Variants in MXRA5 observed in about 807,000 individuals in gnomAD.
MXRA5 encodes the protein matrix-remodeling-associated protein 5.
MXRA5 carries 41 observed loss-of-function variants against 112.5 expected under a neutral mutation model. That is an observed-to-expected ratio of 0.36 (90% CI 0.28 to 0.47). MXRA5 has a LOEUF of 0.47. MXRA5 is among the 20% of genes least tolerant of loss of function. The probability of loss-of-function intolerance (pLI) is 0.99; values close to 1 mark genes in which losing one functional copy is unlikely to be tolerated. For synonymous variants in MXRA5, 862 were observed against 900.8 expected, an observed-to-expected ratio of 0.96 and a Z score of 0.77; for missense variants, 2,150 against 2,251.0, an observed-to-expected ratio of 0.96 and a Z score of 0.91.
chrX:3,310,372 C>T lies in MXRA5; in HGVS notation c.7831G>A (p.Ala2611Thr). 1.7e-6 allele frequency: 2 copies of T among 1,206,619 alleles called. No homozygotes were observed. The highest frequency in any genetic ancestry group is 2.2e-6 in the Non-Finnish European group (2 of 892,415). ...CGGGCCACGCAGCGGTAGGCCCCGG[C>T]GTCCACCGAGGAGAGACCGCTAATG... ...LHISGLSSVDAGAYRCVARNA... is the reference protein window; with the variant it reads ...LHISGLSSVDTGAYRCVARNA... Residue 2611 changes from alanine (A) to threonine (T), a missense_variant, in exon 7 of 7, where the codon GCC becomes ACC. Around this residue, in one of 6 missense-constraint regions of MXRA5, gnomAD observed 178 missense variants for 198.2 expected, o/e 0.90. Coordinates refer to ENST00000217939, the MANE Select transcript of MXRA5 (RefSeq NM_015419.4).
chrX:3,338,945 AATAGATAGATAGTTAGATAGATAGATAG>A (rs757080403), intron 2 of MXRA5, among the ~76,000 whole-genome samples: 84 of 92,150 alleles, frequency 9.1e-4, no homozygotes, highest in African/African-American at 3.6e-3. Flanking sequence ...GACTATAGAT[AATAGATAGATAGTTAGATAGATAGATAG>A]ATAGATAGAT....
Position 3,311,248 on chromosome X carries a change from C to G in MXRA5, c.6955G>C (p.Glu2319Gln). 1 of 1,211,777 alleles carries G rather than the reference C, an allele frequency of 8.3e-7. No individual in the cohort carries two copies. The highest frequency in any genetic ancestry group is 1.1e-6 in the Non-Finnish European group (1 of 895,546). ...LYFNEVGMRE[E>Q]GDYTCFAENQ... ...TCAGCAAAGCAGGTGTAGTCTCCTT[C>G]CTCCCTCATCCCCACTTCGTTAAAG... The change falls in exon 7 of 7, where the codon GAA becomes CAA. Residue 2319 changes from glutamate to glutamine, a missense_variant. Physicochemically the swap from Glu to Gln is conservative, Grantham distance 29 (BLOSUM62 2). This residue lies in a region of MXRA5 where 1,485 missense variants were observed against 1,471.6 expected (regional missense o/e 1.01). Coordinates refer to ENST00000217939, the MANE Select transcript of MXRA5 (RefSeq NM_015419.4).
intron 2 of MXRA5, among the ~76,000 whole-genome samples, chrX:3,334,313 C>T (rs769015165): frequency 1.8e-5 from 2 of 111,957 alleles, no homozygotes; most frequent in South Asian, 3.8e-4. Flanking sequence ...GCACACTTCA[C>T]GTTGCCCGCT....
intron 4 of MXRA5, among the ~76,000 whole-genome samples, chrX:3,328,025 T>G (rs1209188853): frequency 8.9e-6 from 1 of 112,519 alleles, no homozygotes; most frequent in Non-Finnish European, 1.9e-5. Flanking sequence ...CATAATATAG[T>G]GTTGCTGCTA....
In MXRA5 at chrX:3,322,098, A is replaced by C. The variant is rs1921324431; in HGVS notation, c.3587T>G (p.Val1196Gly). 8.3e-7 allele frequency: 1 copy of C among 1,207,283 alleles called. No individual in the cohort carries two copies. The highest frequency in any genetic ancestry group is 1.8e-5 in the African/African-American group (1 of 56,912). ...QAPDIKISSQ[V>G]ESSLVPTAWV... Reference sequence around the variant, plus strand: ...AGCTGTAGGAACCAGAGAACTCTCCACTTGACTTGAAATCTTAATGTCAGG... The same window carrying C: ...AGCTGTAGGAACCAGAGAACTCTCCCCTTGACTTGAAATCTTAATGTCAGG... Residue 1196 changes from valine to glycine, a missense_variant, in exon 5 of 7, where the codon GTG becomes GGG. Around this residue, in one of 6 missense-constraint regions of MXRA5, gnomAD observed 1,485 missense variants for 1,471.6 expected, o/e 1.01. Transcript: ENST00000217939.
intron 1 of MXRA5, among the ~76,000 whole-genome samples, 153 bp from the exon 2 acceptor site, chrX:3,344,014 A>G (rs1479872532): frequency 9.0e-6 from 1 of 111,695 alleles, no homozygotes; most frequent in Non-Finnish European, 1.9e-5. Flanking sequence ...GAATTGAGAA[A>G]GATGAAACAT....
chrX:3,322,151 C>G lies in MXRA5; in HGVS notation c.3534G>C (p.Glu1178Asp), dbSNP rs762814482. 1 of 1,198,225 alleles carries G rather than the reference C, an allele frequency of 8.3e-7. No homozygotes were observed. The highest frequency in any genetic ancestry group is 1.1e-6 in the Non-Finnish European group (1 of 888,316). The change falls in exon 5 of 7, where the codon GAG becomes GAC. Residue 1178 changes from glutamate (E) to aspartate (D), a missense_variant. By Grantham distance (45) the Glu-to-Asp change is conservative. Transcript: ENST00000217939. ...CTTGAGTTGGTTGAGTAGAAAAAGT[C>G]TCTGATGGGGCAAAAGTTGTGGGTG... ...QTPPTTFAPS[E>D]TFSTQPTQAP...
At chrX:3,316,233 GA>G (rs1274103696) in intron 6 of MXRA5, among the ~76,000 whole-genome samples, 1 of 41,873 alleles carries the variant, frequency 2.4e-5, no homozygotes, top group Non-Finnish European at 3.8e-5. Context: ...AGAATGGCGT[GA>G]ACCCGGGAGG....
chrX:3,310,033 T>A lies in MXRA5; in HGVS notation c.8170A>T (p.Ile2724Phe). 1 of 1,211,413 alleles carries A rather than the reference T, an allele frequency of 8.3e-7. No individual in the cohort carries two copies. The highest frequency in any genetic ancestry group is 1.1e-6 in the Non-Finnish European group (1 of 895,447). Reference protein sequence around the residue: ...ETEYGPSVTSIPVIVIAYPPR... With the variant: ...ETEYGPSVTSFPVIVIAYPPR... ...GGATAGGCGATCACAATCACGGGGA[T>A]GCTGGTGACCGAAGGGCCGTACTCC... Residue 2724 changes from isoleucine to phenylalanine, a missense_variant, in exon 7 of 7, where the codon ATC becomes TTC. Physicochemically the swap from Ile to Phe is conservative, Grantham distance 21. This residue lies in a region of MXRA5 where 178 missense variants were observed against 198.2 expected (regional missense o/e 0.90). Coordinates refer to ENST00000217939, the MANE Select transcript of MXRA5 (RefSeq NM_015419.4).
Position 3,309,316 on chromosome X carries a change from T to C in MXRA5, c.*400A>G, listed in dbSNP as rs188958457. 1 of 134,490 alleles carries C rather than the reference T, an allele frequency of 7.4e-6. No individual in the cohort carries two copies. Among genetic ancestry groups the C allele is most frequent in the East Asian group, 2.1e-4 (1 of 4,664 alleles). The allele number at this position is 134,490 out of a possible 1,213,427, so 11.1% of individuals were successfully genotyped here. A position where few individuals can be genotyped will look rare whatever the true frequency, so the allele number is the denominator to read the frequency against. ...CATGTAAAAACTGCAGCAGGTTAAC[T>C]AGGTGATGCGTCTTCAATGGGGTAG... On this transcript the variant is annotated 3_prime_UTR_variant, in exon 7 of 7. Transcript: ENST00000217939.
intron 4 of MXRA5, 83 bp from the exon 5 acceptor site, chrX:3,325,058 G>A (rs1293172968): frequency 9.9e-7 from 1 of 1,011,098 alleles, no homozygotes; most frequent in African/African-American, 1.9e-5. Flanking sequence ...TAAAGCCTAT[G>A]TTTGCATCTT....
Position 3,321,443 on chromosome X carries a change from C to T in MXRA5, c.4242G>A (p.Glu1414=). 1.7e-6 allele frequency: 2 copies of T among 1,211,250 alleles called. No individual in the cohort carries two copies. Among genetic ancestry groups the T allele is most frequent in the Non-Finnish European group, 2.2e-6 (2 of 895,143 alleles). The change falls in exon 5 of 7, where the codon GAG becomes GAA. Residue 1414 remains glutamate, a synonymous_variant. Transcript: ENST00000217939. ...AAAACTCGGAAGTGAAATCCACATC[C>T]TCAAGCTCTTTAAGAAGGGGAGGGT... is the stretch of plus-strand genomic sequence containing the variant. ...LTDPPLLKEL[E]DVDFTSEFLS... is the part of the protein sequence containing the mutation.
chrX:3,310,505 G>A lies in MXRA5; in HGVS notation c.7698C>T (p.Ala2566=), dbSNP rs368531222. The A allele has an allele frequency of 4.8e-5, 57 of 1,198,408 alleles. No homozygotes were observed. Among genetic ancestry groups the A allele is most frequent in the African/African-American group, 3.8e-4 (21 of 55,876 alleles). Residue 2566 remains alanine, a synonymous_variant, in exon 7 of 7, where the codon GCC becomes GCT. Coordinates refer to ENST00000217939, the MANE Select transcript of MXRA5 (RefSeq NM_015419.4). Reference sequence around the variant, plus strand: ...CCAGGCTGGGTGTCGGGGTCCCCGCGGCAGAGCAGTTGAGGCTGATGGTGT... The same window carrying A: ...CCAGGCTGGGTGTCGGGGTCCCCGCAGCAGAGCAGTTGAGGCTGATGGTGT... ...AGHTISLNCS[A]AGTPTPSLVW...
intron 1 of MXRA5, 27 bp from the exon 2 acceptor site, chrX:3,343,888 C>T: frequency 2.6e-6 from 3 of 1,136,199 alleles, no homozygotes; most frequent in Non-Finnish European, 3.6e-6. Flanking sequence ...AAGAGATGAG[C>T]TTATTCACAG....
intron 2 of MXRA5, among the ~76,000 whole-genome samples, chrX:3,341,175 AAT>A (rs1227078214): frequency 0.019 from 202 of 10,459 alleles, 1 homozygote; most frequent in African/African-American, 0.033. Context: ...TTATATACAT[AAT>A]ATATATAATA....
chrX:3,324,098 G>A lies in MXRA5; in HGVS notation c.1587C>T (p.Asp529=), dbSNP rs1328231641. 1 of 1,208,083 alleles carries A rather than the reference G, an allele frequency of 8.3e-7. No homozygotes were observed. Among genetic ancestry groups the A allele is most frequent in the African/African-American group, 1.8e-5 (1 of 57,034 alleles). ...CACTGCTGAGAATGGAGAACTTGCT[G>A]TCTGGGTCATCCATGGGCGCTTTCA... ...SILKAPMDDP[D]SKFSILSSGW... Residue 529 remains aspartate (D), a synonymous_variant, in exon 5 of 7, where the codon GAC becomes GAT. Transcript: ENST00000217939.
At chrX:3,315,342 A>ATGATAGG (rs1921069669) in intron 6 of MXRA5, among the ~76,000 whole-genome samples, 1 of 56,742 alleles carries the variant, frequency 1.8e-5, no homozygotes, top group African/African-American at 1.0e-4. Context: ...ATATAGATAG[A>ATGATAGG]TAGATGATAG....
At chrX:3,316,482 C>A (rs1323195278) in intron 6 of MXRA5, among the ~76,000 whole-genome samples, 2 of 57,258 alleles carry the variant, frequency 3.5e-5, no homozygotes, top group African/African-American at 1.3e-4. Flanking sequence ...CAGCAGAACC[C>A]ATCTCTACAA....
At chrX:3,329,171 A>C (rs1408560314) in intron 4 of MXRA5, among the ~76,000 whole-genome samples, 3 of 92,660 alleles carry the variant, frequency 3.2e-5, no homozygotes, top group Admixed American at 1.2e-4. Flanking sequence ...GGAAGGAAGG[A>C]AGGAAGGAAG....
Sources: allele counts gnomAD v4.1 joint callset (sites outside exome capture counted in the v4.1 genomes callset), GRCh38; gene constraint gnomAD v4.1.1; regional missense constraint gnomAD v4.1.1; transcripts MANE v1.5; gene names NCBI Gene and HGNC (gene_info 2026-07-23, HGNC 2026-07-21).